The following IRS1 variants were observed in gnomAD, a reference collection of about 807,000 sequenced individuals.
The protein encoded by IRS1 is insulin receptor substrate 1.
Under a neutral mutation model 65.6 loss-of-function variants are expected in IRS1, and 34 were observed. The ratio of observed to expected loss-of-function variants is 0.52; its 90% CI spans 0.39 to 0.69. IRS1 has a LOEUF of 0.69. IRS1 is among the 30% of genes least tolerant of loss of function. IRS1 has a pLI of 0.00. For missense variants in IRS1, 1,641 were observed against 1,720.2 expected (o/e 0.95, Z 0.81); for synonymous variants, 699 against 683.5 (o/e 1.02, Z -0.35).
intron 1 of IRS1, among the ~76,000 whole-genome samples, chr2:226,737,430 T>C (rs1301365193): frequency 6.6e-6 from 1 of 152,154 alleles, no homozygotes; most frequent in East Asian, 1.9e-4. Flanking sequence ...CAGGTCCTTG[T>C]TTTTCATGCA....
intron 1 of IRS1, among the ~76,000 whole-genome samples, chr2:226,772,896 C>A (rs547479071): frequency 1.3e-5 from 2 of 152,120 alleles, no homozygotes; most frequent in Non-Finnish European, 2.9e-5. Flanking sequence ...TAGGACACTT[C>A]CCAAAATAGC....
At chr2:226,750,269 A>AAT (rs760113451) in intron 1 of IRS1, among the ~76,000 whole-genome samples, 7,669 of 150,440 alleles carry the variant, frequency 0.051, 319 homozygotes, top group East Asian at 0.17. Flanking sequence ...AAAAAAAAAA[A>AAT]AGAATCATTA....
chr2:226,763,867 C>T (rs1328825935), intron 1 of IRS1, among the ~76,000 whole-genome samples: 4 of 152,140 alleles, frequency 2.6e-5, no homozygotes, highest in African/African-American at 9.7e-5. Flanking sequence ...CTCTTTTCTT[C>T]ATTGTGGAAA....
Position 226,797,479 on chromosome 2 carries a change from G to T in IRS1, c.1260C>A (p.Pro420=), listed in dbSNP as rs1204922255. 5 of 1,613,470 alleles carry T rather than the reference G, an allele frequency of 3.1e-6. 1 individual carries two copies. The highest frequency in any genetic ancestry group is 4.2e-6 in the Non-Finnish European group (5 of 1,179,960). ...RRSSASVSGS[P]SDGGFISSDE... is the part of the protein sequence containing the mutation. ...CCGAGGAGATGAAACCGCCATCGCT[G>T]GGGGAACCAGACACCGAAGCACTAG... The change falls in exon 1 of 2, where the codon CCC becomes CCA. Residue 420 remains proline (P), a synonymous_variant. Transcript: ENST00000305123. The surrounding 1 kb of genome is among the most constrained non-coding windows in gnomAD (Gnocchi z 8.1).
At chr2:226,792,860 G>A (rs903805198) in intron 1 of IRS1, among the ~76,000 whole-genome samples, 1 of 152,124 alleles carries the variant, frequency 6.6e-6, no homozygotes, top group African/African-American at 2.4e-5. Flanking sequence ...ACTCAACAGG[G>A]CACAGGCAAG....
rs758177031 is a variant in IRS1, at chr2:226,795,407, G to T, written c.3332C>A (p.Thr1111Asn). Residue 1111 changes from threonine to asparagine, a missense_variant, in exon 1 of 2, where the codon ACC becomes AAC. By Grantham distance (65) the Thr-to-Asn change is moderately conservative. Coordinates refer to ENST00000305123, the MANE Select transcript of IRS1 (RefSeq NM_005544.3). ...SETFSSTPSA[T>N]RVGNTVPFGA... ...AAAGGGCACTGTGTTGCCCACCCGG[G>T]TGGCACTGGGTGTTGAGGAGAAAGT... The T allele has an allele frequency of 1.2e-6, 2 of 1,613,486 alleles. No individual in the cohort carries two copies. Among genetic ancestry groups the T allele is most frequent in the South Asian group, 1.1e-5 (1 of 91,088 alleles).
At chr2:226,781,160 C>A (rs905219544) in intron 1 of IRS1, among the ~76,000 whole-genome samples, 2 of 152,084 alleles carry the variant, frequency 1.3e-5, no homozygotes, top group Non-Finnish European at 2.9e-5. Context: ...ACACTTGAAC[C>A]CAGCTAATAA....
At chr2:226,740,159 T>C (rs1257977892) in intron 1 of IRS1, among the ~76,000 whole-genome samples, 1 of 152,238 alleles carries the variant, frequency 6.6e-6, no homozygotes, top group Non-Finnish European at 1.5e-5. Flanking sequence ...ATGCATTCTG[T>C]CTGGTTACAT....
chr2:226,753,797 A>C (rs1187660280), intron 1 of IRS1, among the ~76,000 whole-genome samples: 1 of 152,152 alleles, frequency 6.6e-6, no homozygotes, highest in Admixed American at 6.5e-5. Flanking sequence ...TAACTTTTTG[A>C]AAGTGTTATT....
At chr2:226,787,781 C>T (rs886305307) in intron 1 of IRS1, among the ~76,000 whole-genome samples, 2 of 152,082 alleles carry the variant, frequency 1.3e-5, no homozygotes, top group African/African-American at 2.4e-5. Flanking sequence ...TTTTTCATAT[C>T]CATAGAGCCC....
At chr2:226,774,511 G>A (rs750561099) in intron 1 of IRS1, among the ~76,000 whole-genome samples, 10 of 151,808 alleles carry the variant, frequency 6.6e-5, no homozygotes, top group Non-Finnish European at 1.2e-4. Context: ...ATTTGGGGGA[G>A]GAAAATGATG....
chr2:226,749,664 G>GATC (rs1200282216), intron 1 of IRS1, among the ~76,000 whole-genome samples: 1 of 152,156 alleles, frequency 6.6e-6, no homozygotes, highest in African/African-American at 2.4e-5. Context: ...TCCAGAGATA[G>GATC]ATCCAAGAAA....
intron 1 of IRS1, among the ~76,000 whole-genome samples, chr2:226,737,914 G>A (rs2435182): frequency 1 from 152,092 of 152,318 alleles, 75,936 homozygotes; most frequent in Middle Eastern, 1. Context: ...GGAAAAGGAC[G>A]CTTCCCATTG....
At position 226,794,038 on chromosome 2, in the gene IRS1, C is replaced by A. The variant is rs1347379366; in HGVS notation, c.*21+951G>T. On this transcript the variant is annotated intron_variant, in intron 1 of 1. Transcript: ENST00000305123. The surrounding 1 kb of genome is among the most constrained non-coding windows in gnomAD (Gnocchi z 4.1). ...GGGTATACAGTTTAGCCCTTCTACT[C>A]AATGCAAAACAAAACAAATTAAGGC... Among the ~76,000 whole-genome samples the A allele has an allele frequency of 6.6e-6, 1 of 152,178 alleles. No homozygotes were observed. The highest frequency in any genetic ancestry group is 1.9e-4 in the East Asian group (1 of 5,208).
In IRS1 at chr2:226,748,402, C is replaced by T. The variant is rs183665527; in HGVS notation, c.*22-12152G>A. On this transcript the variant is annotated intron_variant, in intron 1 of 1. Transcript: ENST00000305123. ...TGAGATCTAGCCACTGAACTCCAGCCTGGGAAACAGAGCGAGACTCTGTCT... is the reference window on the plus strand; with the variant it reads ...TGAGATCTAGCCACTGAACTCCAGCTTGGGAAACAGAGCGAGACTCTGTCT... 9.5e-5 allele frequency among the ~76,000 whole-genome samples: 13 copies of T among 136,342 alleles called. 2 individuals are homozygous for T. Among genetic ancestry groups the T allele is most frequent in the African/African-American group, 3.3e-4 (12 of 36,162 alleles). 89.4% of individuals were successfully genotyped at this position (136,342 alleles called of 152,430 possible).
At chr2:226,786,785 TA>T (rs200340976) in intron 1 of IRS1, among the ~76,000 whole-genome samples, 11,416 of 116,218 alleles carry the variant, frequency 0.098, 641 homozygotes, top group African/African-American at 0.2. Context: ...CTTGGTAGTC[TA>T]AAAAAAAAAA....
At chr2:226,773,505 T>C (rs555270266) in intron 1 of IRS1, among the ~76,000 whole-genome samples, 1 of 151,862 alleles carries the variant, frequency 6.6e-6, no homozygotes, top group Non-Finnish European at 1.5e-5. Context: ...ACTGCAAGAA[T>C]TATACAACAA....
chr2:226,768,132 C>T (rs928431388), intron 1 of IRS1, among the ~76,000 whole-genome samples: 1 of 152,178 alleles, frequency 6.6e-6, no homozygotes, highest in Non-Finnish European at 1.5e-5. Context: ...CAGCACACAG[C>T]CTCGCCCCAT....
rs1353133786 is a variant in IRS1, at chr2:226,733,000, G to A, written c.*3272C>T. ...TATGGGGTCATTGTCACCAGCAGTT[G>A]GAAGACTGCACATGGATACTATTTG... On this transcript the variant is annotated 3_prime_UTR_variant, in exon 2 of 2. Coordinates refer to ENST00000305123, the MANE Select transcript of IRS1 (RefSeq NM_005544.3). 6.6e-6 allele frequency: 1 copy of A among 152,176 alleles called. No homozygotes were observed. 9.4% of individuals were successfully genotyped at this position (152,176 alleles called of 1,614,324 possible). A position where few individuals can be genotyped will look rare whatever the true frequency, so the allele number is the denominator to read the frequency against.
Sources: allele counts gnomAD v4.1 joint callset (sites outside exome capture counted in the v4.1 genomes callset), GRCh38; gene constraint gnomAD v4.1.1; non-coding constraint Gnocchi (gnomAD v3.1); transcripts MANE v1.5; gene names NCBI Gene and HGNC (gene_info 2026-07-23, HGNC 2026-07-21).